The following TENM2 variants were observed in gnomAD, a reference collection of about 807,000 sequenced individuals.
TENM2 encodes teneurin transmembrane protein 2.
In TENM2, 52 loss-of-function variants were observed where a neutral mutation model predicts 245.2. That is an observed-to-expected ratio of 0.21 (90% CI 0.17 to 0.27). The LOEUF is 0.27. Among genes scored for constraint, TENM2 ranks in the 10% least tolerant of loss-of-function variants. The pLI is 1.00. For synonymous variants in TENM2, 1,363 were observed against 1,438.9 expected (o/e 0.95, Z 1.19); for missense variants, 3,046 against 3,666.8 (o/e 0.83, Z 4.37).
At chr5:167,929,099 A>T (rs1233988110) in intron 3 of TENM2, among the ~76,000 whole-genome samples, 1 of 143,496 alleles carries the variant, frequency 7.0e-6, no homozygotes, top group African/African-American at 2.6e-5. Context: ...GAAAGAAAGA[A>T]AGAAAGAAAG....
chr5:167,928,035 G>A (rs1311780608), intron 3 of TENM2, among the ~76,000 whole-genome samples: 1 of 152,144 alleles, frequency 6.6e-6, no homozygotes, highest in Non-Finnish European at 1.5e-5. Flanking sequence ...CAGGAGGTGG[G>A]TTGATACAGT....
At position 167,479,790 on chromosome 5, in the gene TENM2, G is replaced by A. The variant is rs569919844; in HGVS notation, c.502+104317G>A. ...GTTCATTCCCTGGTATATGGAAACCGGAAGCATAGTAAGATCAGTAAAATG... is the reference window on the plus strand; with the variant it reads ...GTTCATTCCCTGGTATATGGAAACCAGAAGCATAGTAAGATCAGTAAAATG... On this transcript the variant is annotated intron_variant, in intron 2 of 28. Transcript: ENST00000518659. 6.6e-5 allele frequency among the ~76,000 whole-genome samples: 10 copies of A among 152,248 alleles called. No individual in the cohort carries two copies. In the East Asian group the frequency reaches 7.7e-4, roughly 12 times the overall value.
intron 1 of TENM2, among the ~76,000 whole-genome samples, chr5:167,327,489 G>C (rs1471590806): frequency 2.0e-5 from 3 of 152,260 alleles, no homozygotes; most frequent in South Asian, 4.1e-4. Flanking sequence ...GGAAAGAATA[G>C]CACTTAAGAC....
At chr5:167,443,239 C>T (rs1205014444) in intron 2 of TENM2, among the ~76,000 whole-genome samples, 13 of 151,958 alleles carry the variant, frequency 8.6e-5, no homozygotes, top group East Asian at 7.7e-4. Context: ...GCAGTATGGC[C>T]GGCTTCCTCA....
chr5:168,207,926 C>T (rs1762495304), intron 19 of TENM2, among the ~76,000 whole-genome samples: 2 of 152,200 alleles, frequency 1.3e-5, no homozygotes, highest in South Asian at 2.1e-4. Context: ...ATGGTTATCA[C>T]CTGCGTGCTC....
intron 4 of TENM2, among the ~76,000 whole-genome samples, chr5:167,972,418 G>T (rs553490383): frequency 6.6e-6 from 1 of 152,170 alleles, no homozygotes; most frequent in South Asian, 2.1e-4. Context: ...TTTAAAGTCC[G>T]TGTAATATTC....
chr5:168,223,369 A>G (rs1191173840), intron 23 of TENM2, among the ~76,000 whole-genome samples: 1 of 152,072 alleles, frequency 6.6e-6, no homozygotes, highest in African/African-American at 2.4e-5. Flanking sequence ...ACCGCACTAG[A>G]CACCCCGTAT....
At chr5:167,104,652 T>G in the TENM2 span, among the ~76,000 whole-genome samples, 1 of 152,302 alleles carries the variant, frequency 6.6e-6, no homozygotes, top group East Asian at 1.9e-4. Context: ...CAGTGTAAAC[T>G]GAATTTTGAT....
the TENM2 span, among the ~76,000 whole-genome samples, chr5:167,107,764 A>C: frequency 6.6e-6 from 1 of 152,198 alleles, no homozygotes; most frequent in East Asian, 1.9e-4. Context: ...TGAAGAGGTA[A>C]AATAATTTGT....
At chr5:167,540,381 A>G (rs571194120) in intron 2 of TENM2, among the ~76,000 whole-genome samples, 81 of 152,330 alleles carry the variant, frequency 5.3e-4, no homozygotes, top group African/African-American at 1.9e-3. Context: ...ACAGCTGTAA[A>G]CTAAGAATAG....
intron 2 of TENM2, among the ~76,000 whole-genome samples, chr5:167,568,655 G>GTGTGTA (rs1339635898): frequency 3.4e-5 from 5 of 148,586 alleles, no homozygotes; most frequent in African/African-American, 7.5e-5. Context: ...TGGTGTGTGT[G>GTGTGTA]TGTGTGTGTG....
chr5:167,483,105 C>T (rs969113721), intron 2 of TENM2, among the ~76,000 whole-genome samples: 2 of 152,174 alleles, frequency 1.3e-5, no homozygotes, highest in Admixed American at 1.3e-4. Flanking sequence ...TCACTTGTAA[C>T]ATAGGAGATC....
chr5:167,702,552 G>GTGTGTGTATATATATATATA (rs58351767), intron 2 of TENM2, among the ~76,000 whole-genome samples: 8 of 136,780 alleles, frequency 5.8e-5, no homozygotes, highest in African/African-American at 2.0e-4. Flanking sequence ...GTGTGTGTGT[G>GTGTGTGTATATATATATATA]TATATATATA....
chr5:167,660,805 G>A (rs928993398), intron 2 of TENM2, among the ~76,000 whole-genome samples: 1 of 152,006 alleles, frequency 6.6e-6, no homozygotes, highest in Non-Finnish European at 1.5e-5. Flanking sequence ...CATATTTTAT[G>A]TTCCTTAACA....
chr5:167,396,922 AAC>A (rs1375498456), intron 2 of TENM2, among the ~76,000 whole-genome samples: 3 of 152,116 alleles, frequency 2.0e-5, no homozygotes, highest in African/African-American at 7.2e-5. Context: ...GGGTTAGAAG[AAC>A]CAGCAAAAGT....
upstream of TENM2, among the ~76,000 whole-genome samples, chr5:167,282,064 C>G (rs1771098199): frequency 6.8e-6 from 1 of 148,140 alleles, no homozygotes; most frequent in Non-Finnish European, 1.5e-5. Context: ...GATTTAAAAA[C>G]TAAAATAAAA....
At chr5:167,494,984 G>T (rs1768710487) in intron 2 of TENM2, among the ~76,000 whole-genome samples, 1 of 151,930 alleles carries the variant, frequency 6.6e-6, no homozygotes, top group East Asian at 1.9e-4. Context: ...ATTCACAAAG[G>T]CAAATGAATG....
chr5:168,027,694 G>A (rs1302489955), intron 5 of TENM2, among the ~76,000 whole-genome samples: 9 of 152,280 alleles, frequency 5.9e-5, no homozygotes, highest in East Asian at 5.8e-4. Context: ...CTCTACTTTC[G>A]GAAATATAAT....
intron 2 of TENM2, among the ~76,000 whole-genome samples, chr5:167,671,747 T>C (rs1236815423): frequency 6.7e-6 from 1 of 149,918 alleles, no homozygotes; most frequent in Non-Finnish European, 1.5e-5. Flanking sequence ...ATATATATAT[T>C]TATAGCTACA....
Sources: gnomAD v4.1 joint callset for allele counts (sites outside exome capture counted in the v4.1 genomes callset) on GRCh38, gnomAD v4.1.1 for gene constraint, MANE v1.5 for transcripts, NCBI Gene and HGNC (gene_info 2026-07-23, HGNC 2026-07-21) for gene names.